PRKAG2: variants seen among roughly 807,000 people sequenced by gnomAD.
The protein encoded by PRKAG2 is protein kinase AMP-activated non-catalytic subunit gamma 2, also known as 5'-AMP-activated protein kinase subunit gamma-2.
In PRKAG2, 26 loss-of-function variants were observed where a neutral mutation model predicts 69.6. The ratio of observed to expected loss-of-function variants is 0.37; its 90% CI spans 0.27 to 0.52. The LOEUF (loss-of-function observed/expected upper bound fraction) is 0.52, where lower values mean the gene tolerates loss of function less well. Among genes scored for constraint, PRKAG2 ranks in the 20% least tolerant of loss-of-function variants. The pLI, the probability that PRKAG2 is intolerant of heterozygous loss-of-function variation, is 0.90. For synonymous variants in PRKAG2, 293 were observed against 285.0 expected (o/e 1.03, Z -0.28); for missense variants, 557 against 740.0 (o/e 0.75, Z 2.87).
intron 3 of PRKAG2, among the ~76,000 whole-genome samples, chr7:151,746,910 G>A (rs1308556178): frequency 1.3e-5 from 2 of 152,228 alleles, no homozygotes; most frequent in African/African-American, 2.4e-5. Context: ...TCAGCCCAGT[G>A]CTCAAAGCCC....
intron 3 of PRKAG2, among the ~76,000 whole-genome samples, chr7:151,746,350 T>G (rs1345552713): frequency 1.3e-5 from 2 of 152,208 alleles, no homozygotes; most frequent in East Asian, 3.8e-4. Context: ...TAGTGAAATA[T>G]ATTTCAAAAC....
intron 1 of PRKAG2, among the ~76,000 whole-genome samples, chr7:151,818,083 G>A (rs1232038762): frequency 6.6e-6 from 1 of 152,204 alleles, no homozygotes; most frequent in African/African-American, 2.4e-5. Context: ...TACCACCTGA[G>A]TGTGCAGAAA....
At chr7:151,615,660 A>T (rs1819953324) in intron 5 of PRKAG2, among the ~76,000 whole-genome samples, 1 of 152,230 alleles carries the variant, frequency 6.6e-6, no homozygotes, top group South Asian at 2.1e-4. Context: ...TTTACAAAGG[A>T]TGCATCCAAC....
At chr7:151,829,922 C>T (rs963448820) in intron 1 of PRKAG2, among the ~76,000 whole-genome samples, 8 of 151,702 alleles carry the variant, frequency 5.3e-5, no homozygotes, top group Admixed American at 6.6e-5. Flanking sequence ...CTGAGGAGAC[C>T]GAGGCGCAGA....
chr7:151,869,279 T>C (rs1253725233), intron 1 of PRKAG2, among the ~76,000 whole-genome samples: 3 of 152,222 alleles, frequency 2.0e-5, no homozygotes, highest in Admixed American at 2.0e-4. Flanking sequence ...TTTGCATTCA[T>C]CAGTAGGCTG....
intron 1 of PRKAG2, chr7:151,809,445 C>G (rs1360889667): frequency 1.1e-5 from 4 of 348,708 alleles, no homozygotes; most frequent in Non-Finnish European, 2.3e-5. Flanking sequence ...TGGGGTCCTC[C>G]CACCAGTCTT....
chr7:151,846,827 G>A (rs961404234), intron 1 of PRKAG2, among the ~76,000 whole-genome samples: 6 of 152,188 alleles, frequency 3.9e-5, no homozygotes, highest in South Asian at 2.1e-4. Flanking sequence ...ATTCTAGGAC[G>A]TTTGCATGAC....
intron 6 of PRKAG2, among the ~76,000 whole-genome samples, chr7:151,586,400 A>T (rs990626330): frequency 6.6e-6 from 1 of 152,050 alleles, no homozygotes; most frequent in African/African-American, 2.4e-5. Context: ...TTGATACTAC[A>T]TTCCCCAGCC....
chr7:151,852,133 C>G (rs1158429151), intron 1 of PRKAG2, among the ~76,000 whole-genome samples: 1 of 152,168 alleles, frequency 6.6e-6, no homozygotes, highest in Non-Finnish European at 1.5e-5. Context: ...AAGCCTGTGC[C>G]CTGTGTAAGG....
chr7:151,862,155 A>G (rs2079945849), intron 1 of PRKAG2, among the ~76,000 whole-genome samples: 1 of 151,810 alleles, frequency 6.6e-6, no homozygotes, highest in African/African-American at 2.4e-5. Flanking sequence ...GCAGAGGACC[A>G]TCCCGCCATG....
intron 5 of PRKAG2, among the ~76,000 whole-genome samples, chr7:151,599,901 C>T (rs1039027971): frequency 3.3e-5 from 5 of 152,180 alleles, no homozygotes; most frequent in East Asian, 1.9e-4. Context: ...ACTCCTGCTC[C>T]GTATTTTCTC....
intron 5 of PRKAG2, among the ~76,000 whole-genome samples, chr7:151,629,747 G>A (rs148901195): frequency 3.3e-5 from 5 of 152,250 alleles, no homozygotes; most frequent in African/African-American, 1.2e-4. Flanking sequence ...AATATATCTC[G>A]GTTGAAGCAA....
At chr7:151,713,081 C>T (rs947099567) in intron 3 of PRKAG2, among the ~76,000 whole-genome samples, 5 of 152,174 alleles carry the variant, frequency 3.3e-5, no homozygotes, top group African/African-American at 9.7e-5. Context: ...GAAGCAGTTC[C>T]CATTTCTCCT....
At chr7:151,792,785 T>G (rs2077324634) in intron 1 of PRKAG2, among the ~76,000 whole-genome samples, 1 of 152,210 alleles carries the variant, frequency 6.6e-6, no homozygotes, top group South Asian at 2.1e-4. Context: ...TCGAGAATGA[T>G]TTGCATTCTC....
At chr7:151,597,892 C>T (rs1338057037) in intron 5 of PRKAG2, among the ~76,000 whole-genome samples, 5 of 134,306 alleles carry the variant, frequency 3.7e-5, no homozygotes, top group Non-Finnish European at 7.8e-5. Flanking sequence ...TTATAGAAAA[C>T]AGTACAGAGG....
At chr7:151,564,670 G>A (rs1764284859) in intron 13 of PRKAG2, among the ~76,000 whole-genome samples, 1 of 152,086 alleles carries the variant, frequency 6.6e-6, no homozygotes, top group African/African-American at 2.4e-5. Flanking sequence ...GGAAGGCTTT[G>A]GGGGACCCAT....
At chr7:151,698,370 G>A (rs1053088741) in intron 3 of PRKAG2, among the ~76,000 whole-genome samples, 1 of 152,068 alleles carries the variant, frequency 6.6e-6, no homozygotes, top group Non-Finnish European at 1.5e-5. Flanking sequence ...TGGGATCATC[G>A]CTGGTATGGT....
chr7:151,806,265 G>A (rs1304818293), intron 1 of PRKAG2, among the ~76,000 whole-genome samples: 2 of 152,132 alleles, frequency 1.3e-5, no homozygotes, highest in East Asian at 3.9e-4. Context: ...GGTGCTCTTG[G>A]GTGAACTCCT....
At chr7:151,749,583 A>T (rs1368673760) in intron 3 of PRKAG2, among the ~76,000 whole-genome samples, 1 of 152,236 alleles carries the variant, frequency 6.6e-6, no homozygotes, top group African/African-American at 2.4e-5. Context: ...AGTGTCTAGT[A>T]TCCAGAATAC....
Sources: allele counts gnomAD v4.1 joint callset (sites outside exome capture counted in the v4.1 genomes callset), GRCh38; gene constraint gnomAD v4.1.1; transcripts MANE v1.5; gene names NCBI Gene and HGNC (gene_info 2026-07-23, HGNC 2026-07-21).